ABI1: variants seen among roughly 807,000 people sequenced by gnomAD.
The protein encoded by ABI1 is Abelson interactor 1.
In ABI1, 14 loss-of-function variants were observed where a neutral mutation model predicts 54.6. The observed-to-expected ratio is 0.26, with a 90% confidence interval of 0.17 to 0.40. ABI1 has a LOEUF of 0.40. Ranked by LOEUF, ABI1 falls within the 10% of genes least tolerant of loss-of-function variation. The pLI is 1.00. For synonymous variants in ABI1, 194 were observed against 209.3 expected (o/e 0.93, Z 0.63); for missense variants, 443 against 598.3 (o/e 0.74, Z 2.71).
chr10:26,766,820 A>C (rs1840014000), intron 6 of ABI1, among the ~76,000 whole-genome samples: 2 of 152,232 alleles, frequency 1.3e-5, no homozygotes, highest in African/African-American at 4.8e-5. Flanking sequence ...TAGTTAAAAA[A>C]ATCAAGAGGA....
chr10:26,819,826 A>G (rs573088329), intron 2 of ABI1, among the ~76,000 whole-genome samples: 1 of 152,310 alleles, frequency 6.6e-6, no homozygotes, highest in South Asian at 2.1e-4. Context: ...AACAGACTAC[A>G]ATTCCTATTA....
At chr10:26,840,912 A>C (rs545776169) in intron 1 of ABI1, among the ~76,000 whole-genome samples, 1 of 151,968 alleles carries the variant, frequency 6.6e-6, no homozygotes, top group Non-Finnish European at 1.5e-5. Context: ...GTTTTGGTCC[A>C]TCATCAACCA....
At chr10:26,786,924 A>T (rs1217591378) in intron 2 of ABI1, among the ~76,000 whole-genome samples, 2 of 152,248 alleles carry the variant, frequency 1.3e-5, no homozygotes, top group African/African-American at 4.8e-5. Context: ...ATGGTACCTT[A>T]AAGTGAACGT....
intron 1 of ABI1, among the ~76,000 whole-genome samples, chr10:26,857,643 C>CAAA (rs372472533): frequency 2.4e-5 from 2 of 84,482 alleles, no homozygotes; most frequent in Middle Eastern, 5.3e-3. Context: ...GACTGTGTCT[C>CAAA]AAAAAAAAAA....
In ABI1 at chr10:26,839,624, G is replaced by A. The variant is rs1485684734; in HGVS notation, c.118-16319C>T. ...GTCACAATCAGCACCACCCTTAACT[G>A]ACTTGAGAAAAAGAAGTACTTCTGT... On this transcript the variant is annotated intron_variant, in intron 1 of 10. Transcript: ENST00000376140. 1.1e-5 allele frequency: 7 copies of A among 615,408 alleles called. No homozygotes were observed. The Admixed American group carries it at 1.7e-4, about 15-fold the overall frequency. The allele number at this position is 615,408 out of a possible 1,614,324, so 38.1% of individuals were successfully genotyped here. A position where few individuals can be genotyped will look rare whatever the true frequency, so the allele number is the denominator to read the frequency against.
intron 8 of ABI1, among the ~76,000 whole-genome samples, chr10:26,756,024 G>A (rs1044920813): frequency 9.2e-5 from 14 of 152,064 alleles, no homozygotes; most frequent in African/African-American, 2.9e-4. Flanking sequence ...GTTTGGGGAG[G>A]ATTTAAATTT....
chr10:26,809,127 G>C (rs956328319), intron 2 of ABI1, among the ~76,000 whole-genome samples: 2 of 151,910 alleles, frequency 1.3e-5, no homozygotes, highest in Non-Finnish European at 2.9e-5. Flanking sequence ...AAAATTAGCC[G>C]AGCATGGTGG....
At chr10:26,784,300 C>T (rs11015284) in intron 2 of ABI1, among the ~76,000 whole-genome samples, 9,368 of 152,254 alleles carry the variant, frequency 0.062, 431 homozygotes, top group East Asian at 0.19. Flanking sequence ...CTGTCCATAA[C>T]TTTAGGCATC....
chr10:26,794,225 C>G (rs1321165991), intron 2 of ABI1, among the ~76,000 whole-genome samples: 1 of 151,780 alleles, frequency 6.6e-6, no homozygotes, highest in Non-Finnish European at 1.5e-5. Context: ...CCTGAGCAAC[C>G]CTGTCTCCAA....
chr10:26,755,769 A>T, intron 8 of ABI1, 28 bp from the exon 9 acceptor site: 2 of 1,464,162 alleles, frequency 1.4e-6, no homozygotes, highest in Non-Finnish European at 1.9e-6. Flanking sequence ...GTATGGGGGA[A>T]GTAAAACAGA....
At chr10:26,774,615 T>C (rs1841148180) in intron 3 of ABI1, among the ~76,000 whole-genome samples, 1 of 152,116 alleles carries the variant, frequency 6.6e-6, no homozygotes, top group Non-Finnish European at 1.5e-5. Flanking sequence ...AAATTCCTAT[T>C]AAACTAACAT....
In ABI1 at chr10:26,852,767, C is replaced by CA. The variant is rs532308443; in HGVS notation, c.117+7979dup. Among the ~76,000 whole-genome samples the CA allele has an allele frequency of 3.4e-3, 513 of 151,938 alleles. 2 individuals are homozygous for CA. The highest frequency in any genetic ancestry group is 0.012 in the African/African-American group (496 of 41,444). The stretch of plus-strand genomic sequence containing the variant: ...GAATTAAAGGTAAATTGAAGTTTTT[C>CA]AAAAATGTGTTTTTGCTGGTCGGGC... On this transcript the variant is annotated intron_variant, in intron 1 of 10. Coordinates refer to ENST00000376140, the MANE Select transcript of ABI1 (RefSeq NM_001012750.3).
At chr10:26,785,581 G>A (rs997089858) in intron 2 of ABI1, among the ~76,000 whole-genome samples, 2 of 152,124 alleles carry the variant, frequency 1.3e-5, no homozygotes, top group Admixed American at 6.5e-5. Flanking sequence ...AATTAGCCGG[G>A]CACGGTGGCA....
intron 2 of ABI1, among the ~76,000 whole-genome samples, chr10:26,788,161 G>A (rs1396940861): frequency 6.6e-6 from 1 of 152,138 alleles, no homozygotes; most frequent in African/African-American, 2.4e-5. Flanking sequence ...TTAATCAGGG[G>A]TTTCCACTTT....
intron 1 of ABI1, among the ~76,000 whole-genome samples, chr10:26,847,328 G>A (rs1177946662): frequency 1.3e-5 from 2 of 152,060 alleles, no homozygotes; most frequent in African/African-American, 4.8e-5. Flanking sequence ...ACTATTCAAA[G>A]CAAACTCTGA....
chr10:26,833,285 T>C (rs2048806410), intron 1 of ABI1, among the ~76,000 whole-genome samples: 1 of 152,188 alleles, frequency 6.6e-6, no homozygotes, highest in South Asian at 2.1e-4. Flanking sequence ...GTATACAGAA[T>C]TCCAAGTTTA....
intron 1 of ABI1, among the ~76,000 whole-genome samples, chr10:26,844,420 A>G (rs563555864): frequency 5.9e-5 from 9 of 152,372 alleles, no homozygotes; most frequent in Admixed American, 2.6e-4. Context: ...AACAATCTGT[A>G]ATGCAGAAGG....
At chr10:26,837,182 G>T (rs2049138741) in intron 1 of ABI1, among the ~76,000 whole-genome samples, 1 of 152,204 alleles carries the variant, frequency 6.6e-6, no homozygotes, top group East Asian at 1.9e-4. Context: ...TTCAACAAGA[G>T]AAATGTATTT....
chr10:26,786,993 CTA>C (rs1842803871), intron 2 of ABI1, among the ~76,000 whole-genome samples: 1 of 152,204 alleles, frequency 6.6e-6, no homozygotes. Flanking sequence ...CTTCAATTCT[CTA>C]TTGGTTTATG....
Sources: gnomAD v4.1 joint callset for allele counts (sites outside exome capture counted in the v4.1 genomes callset) on GRCh38, gnomAD v4.1.1 for gene constraint, MANE v1.5 for transcripts, NCBI Gene and HGNC (gene_info 2026-07-23, HGNC 2026-07-21) for gene names.